Variants in TRIQK observed in about 807,000 individuals in gnomAD.
The protein encoded by TRIQK is triple QxxK/R motif-containing protein.
TRIQK carries 10 observed loss-of-function variants against 10.8 expected under a neutral mutation model. The ratio of observed to expected loss-of-function variants is 0.92; its 90% CI spans 0.57 to 1.57. The LOEUF is 1.57. TRIQK is among the 40% of genes most tolerant of loss of function. The pLI is 0.00. For missense variants in TRIQK, 107 were observed against 97.7 expected, an observed-to-expected ratio of 1.09 and a Z score of -0.40; for synonymous variants, 33 against 33.7, an observed-to-expected ratio of 0.98 and a Z score of 0.07.
chr8:92,931,223 CACT>C (rs1810706063), intron 2 of TRIQK, among the ~76,000 whole-genome samples: 1 of 152,140 alleles, frequency 6.6e-6, no homozygotes, highest in Admixed American at 6.5e-5. Flanking sequence ...TTATCAAAAT[CACT>C]ACTAATAACC....
chr8:92,935,016 CTG>C (rs1810912704), intron 2 of TRIQK, among the ~76,000 whole-genome samples: 1 of 151,746 alleles, frequency 6.6e-6, no homozygotes, highest in African/African-American at 2.4e-5. Context: ...CCAAGTTAAA[CTG>C]TAATACAAAC....
chr8:92,934,799 A>G (rs1007321950), intron 2 of TRIQK, among the ~76,000 whole-genome samples: 2 of 151,918 alleles, frequency 1.3e-5, no homozygotes, highest in African/African-American at 4.8e-5. Flanking sequence ...GAATTTTTCC[A>G]CTAGAGAAAT....
intron 3 of TRIQK, among the ~76,000 whole-genome samples, chr8:92,908,654 C>G (rs570609646): frequency 4.6e-5 from 7 of 152,088 alleles, no homozygotes; most frequent in Non-Finnish European, 1.0e-4. Context: ...GTTCTATTCA[C>G]TGTCTGATCT....
chr8:92,942,343 C>T (rs1389190239), intron 2 of TRIQK, among the ~76,000 whole-genome samples: 1 of 152,120 alleles, frequency 6.6e-6, no homozygotes, highest in Non-Finnish European at 1.5e-5. Context: ...CAAAATTCAA[C>T]ATCCCCTCAT....
At chr8:92,912,636 G>A (rs979257032) in intron 3 of TRIQK, among the ~76,000 whole-genome samples, 10 of 151,690 alleles carry the variant, frequency 6.6e-5, no homozygotes, top group African/African-American at 1.9e-4. Context: ...CATCACACAC[G>A]AAATAGCAGA....
intron 3 of TRIQK, among the ~76,000 whole-genome samples, chr8:92,898,719 G>A (rs1191796400): frequency 6.6e-6 from 1 of 151,138 alleles, no homozygotes; most frequent in Non-Finnish European, 1.5e-5. Flanking sequence ...TCAAACAGAG[G>A]TTGCTGCTTA....
chr8:92,933,221 T>C (rs1290432935), intron 2 of TRIQK, among the ~76,000 whole-genome samples: 1 of 152,160 alleles, frequency 6.6e-6, no homozygotes, highest in Non-Finnish European at 1.5e-5. Flanking sequence ...CTTTCCTCTC[T>C]AACATTAGGA....
At chr8:92,956,341 G>GAAAT (rs1169374179) in intron 1 of TRIQK, among the ~76,000 whole-genome samples, 140 of 151,788 alleles carry the variant, frequency 9.2e-4, no homozygotes, top group African/African-American at 3.2e-3. Context: ...AGAATGGGAA[G>GAAAT]GTCAATAGAG....
At chr8:92,950,834 T>C (rs898628826) in intron 2 of TRIQK, among the ~76,000 whole-genome samples, 1 of 152,128 alleles carries the variant, frequency 6.6e-6, no homozygotes, top group African/African-American at 2.4e-5. Context: ...TCCATAAATA[T>C]TCTACTTTTC....
intron 1 of TRIQK, among the ~76,000 whole-genome samples, chr8:92,979,194 C>T (rs1032702053): frequency 5.9e-5 from 9 of 152,066 alleles, no homozygotes; most frequent in Non-Finnish European, 2.9e-5. Context: ...AAGATGAAAG[C>T]TTAGCTGTGT....
chr8:92,924,746 TAA>T (rs1204408471), intron 2 of TRIQK, among the ~76,000 whole-genome samples: 12 of 151,820 alleles, frequency 7.9e-5, no homozygotes, highest in South Asian at 6.2e-4. Flanking sequence ...TTCAATATTA[TAA>T]GTCATATTAA....
chr8:92,985,836 A>G (rs531518473), intron 1 of TRIQK, among the ~76,000 whole-genome samples: 1 of 152,288 alleles, frequency 6.6e-6, no homozygotes, highest in South Asian at 2.1e-4. Context: ...TTTACAGGCC[A>G]GGAAGCTTGA....
At chr8:92,902,227 T>A (rs1223349367) in intron 3 of TRIQK, among the ~76,000 whole-genome samples, 1 of 152,074 alleles carries the variant, frequency 6.6e-6, no homozygotes, top group Non-Finnish European at 1.5e-5. Flanking sequence ...TAGTCCGTGG[T>A]GATGACGCTT....
chr8:92,923,466 C>A (rs1404819370), intron 2 of TRIQK, among the ~76,000 whole-genome samples: 1 of 151,804 alleles, frequency 6.6e-6, no homozygotes, highest in Non-Finnish European at 1.5e-5. Context: ...ACTGCATTCC[C>A]TGAGGAACTA....
chr8:92,897,987 C>T (rs1808698008), intron 3 of TRIQK, among the ~76,000 whole-genome samples: 1 of 151,976 alleles, frequency 6.6e-6, no homozygotes, highest in South Asian at 2.1e-4. Context: ...TGCACATGAC[C>T]TTCTAGATTC....
chr8:92,922,707 G>A (rs547611224), intron 2 of TRIQK: 5 of 151,550 alleles, frequency 3.3e-5, no homozygotes, highest in African/African-American at 9.7e-5. Flanking sequence ...ATTATGCCAC[G>A]GAAAAATCTA....
intron 2 of TRIQK, among the ~76,000 whole-genome samples, chr8:92,918,491 T>C (rs1809986350): frequency 6.6e-6 from 1 of 152,122 alleles, no homozygotes; most frequent in South Asian, 2.1e-4. Flanking sequence ...TTGAGAATGT[T>C]TTTCAAATAC....
intron 1 of TRIQK, among the ~76,000 whole-genome samples, chr8:93,002,407 G>A (rs900588351): frequency 6.6e-6 from 1 of 151,918 alleles, no homozygotes; most frequent in African/African-American, 2.4e-5. Context: ...TAAAATCAGA[G>A]ATAAAAATAA....
chr8:92,978,926 A>G (rs1330656643), intron 1 of TRIQK, among the ~76,000 whole-genome samples: 1 of 152,104 alleles, frequency 6.6e-6, no homozygotes, highest in Admixed American at 6.6e-5. Context: ...TCCTGCTACT[A>G]GTGGAAATAC....
Sources: allele counts gnomAD v4.1 joint callset (sites outside exome capture counted in the v4.1 genomes callset), GRCh38; gene constraint gnomAD v4.1.1; transcripts MANE v1.5; gene names NCBI Gene and HGNC (gene_info 2026-07-23, HGNC 2026-07-21).